ADARB2: variants seen among roughly 807,000 people sequenced by gnomAD.
ADARB2 encodes the protein adenosine deaminase RNA specific B2 (inactive), also known as inactive double-stranded RNA-specific editase B2.
In ADARB2, 25 loss-of-function variants were observed where a neutral mutation model predicts 62.2. The ratio of observed to expected loss-of-function variants is 0.40; its 90% CI spans 0.29 to 0.56. The LOEUF is 0.56. Ranked by LOEUF, ADARB2 falls within the 20% of genes least tolerant of loss-of-function variation. ADARB2 has a pLI of 0.43. For missense variants in ADARB2, 1,071 were observed against 1,077.4 expected, an observed-to-expected ratio of 0.99 and a Z score of 0.08; for synonymous variants, 572 against 500.8, an observed-to-expected ratio of 1.14 and a Z score of -1.90.
intron 1 of ADARB2, among the ~76,000 whole-genome samples, chr10:1,695,023 G>A (rs376962156): frequency 1.3e-5 from 2 of 152,204 alleles, no homozygotes; most frequent in African/African-American, 2.4e-5. Context: ...GATGAACAGG[G>A]ATGTGTGGGT....
intron 1 of ADARB2, among the ~76,000 whole-genome samples, chr10:1,470,755 C>A (rs1040282056): frequency 2.6e-5 from 4 of 152,198 alleles, no homozygotes; most frequent in African/African-American, 9.7e-5. Context: ...AAAACACCTC[C>A]TGGCCAGGGG....
At chr10:1,656,156 C>A (rs892238828) in intron 1 of ADARB2, among the ~76,000 whole-genome samples, 2 of 152,226 alleles carry the variant, frequency 1.3e-5, no homozygotes, top group Non-Finnish European at 2.9e-5. Flanking sequence ...AAAACAGAAA[C>A]TACATCATAA....
At chr10:1,607,974 T>C (rs543485680) in intron 1 of ADARB2, among the ~76,000 whole-genome samples, 44 of 152,262 alleles carry the variant, frequency 2.9e-4, no homozygotes, top group African/African-American at 1.0e-3. Context: ...CACACAACAG[T>C]GTGCAAGGGC....
chr10:1,433,138 A>G (rs1830794366), intron 1 of ADARB2, among the ~76,000 whole-genome samples: 1 of 152,210 alleles, frequency 6.6e-6, no homozygotes, highest in Non-Finnish European at 1.5e-5. Context: ...GAGAAAATGA[A>G]GTGAAGAGAG....
chr10:1,536,182 G>A (rs923244241), intron 1 of ADARB2, among the ~76,000 whole-genome samples: 1 of 152,102 alleles, frequency 6.6e-6, no homozygotes, highest in Non-Finnish European at 1.5e-5. Flanking sequence ...GGTTCCTGGG[G>A]AGGTGATTTG....
intron 1 of ADARB2, among the ~76,000 whole-genome samples, chr10:1,486,242 G>GTA (rs1564304796): frequency 1.3e-5 from 2 of 151,446 alleles, no homozygotes; most frequent in African/African-American, 4.9e-5. Context: ...GTGTGTGTGT[G>GTA]TGTGTTGTTA....
intron 1 of ADARB2, among the ~76,000 whole-genome samples, chr10:1,629,069 G>T (rs750295640): frequency 6.6e-6 from 1 of 152,260 alleles, no homozygotes; most frequent in Non-Finnish European, 1.5e-5. Context: ...GGACAGGCGT[G>T]AAACTGGCTC....
intron 1 of ADARB2, among the ~76,000 whole-genome samples, chr10:1,662,475 T>A (rs921838987): frequency 6.6e-6 from 1 of 152,082 alleles, no homozygotes; most frequent in Non-Finnish European, 1.5e-5. Context: ...TTGCAAGGGT[T>A]TTTCAGAGGA....
At chr10:1,224,103 C>A (rs1292801823) in intron 6 of ADARB2, among the ~76,000 whole-genome samples, 1 of 152,102 alleles carries the variant, frequency 6.6e-6, no homozygotes, top group Admixed American at 6.5e-5. Flanking sequence ...AATTTCAGAG[C>A]CTGTTATTGG....
chr10:1,703,650 A>G (rs1489158507), intron 1 of ADARB2, among the ~76,000 whole-genome samples: 1 of 152,234 alleles, frequency 6.6e-6, no homozygotes, highest in Non-Finnish European at 1.5e-5. Flanking sequence ...AATAATCTTA[A>G]AATGATTAAT....
intron 3 of ADARB2, among the ~76,000 whole-genome samples, chr10:1,320,523 A>C (rs1042333187): frequency 6.6e-6 from 1 of 152,222 alleles, no homozygotes; most frequent in East Asian, 1.9e-4. Context: ...GCCCCCTCTC[A>C]GGCTAAGAAA....
At chr10:1,551,522 G>A (rs928797763) in intron 1 of ADARB2, among the ~76,000 whole-genome samples, 6 of 152,342 alleles carry the variant, frequency 3.9e-5, no homozygotes, top group Admixed American at 2.6e-4. Flanking sequence ...TTCCCTTCCT[G>A]GGCGGCTGTC....
rs376675066 is a variant in ADARB2 at position 1,275,137 on chromosome 10, T to C, written c.1078-4068A>G. 3.2e-3 allele frequency among the ~76,000 whole-genome samples: 490 copies of C among 152,256 alleles called. 2 individuals are homozygous for C. Among genetic ancestry groups the C allele is most frequent in the African/African-American group, 0.011 (468 of 41,544 alleles). On this transcript the variant is annotated intron_variant, in intron 3 of 9. Coordinates refer to ENST00000381312, the MANE Select transcript of ADARB2 (RefSeq NM_018702.4). ...ACAGCTGGGGTGGAATGAATCACAT[T>C]TGGTTTGGGCCTCAGCATTTCCACA...
intron 1 of ADARB2, among the ~76,000 whole-genome samples, chr10:1,662,788 G>T (rs567401160): frequency 6.6e-6 from 1 of 152,312 alleles, no homozygotes; most frequent in Admixed American, 6.5e-5. Flanking sequence ...CGGGTGCCCA[G>T]GGTGCTGGGC....
chr10:1,542,645 C>T (rs868175820), intron 1 of ADARB2, among the ~76,000 whole-genome samples: 51 of 23,366 alleles, frequency 2.2e-3, no homozygotes, highest in African/African-American at 6.6e-3. Context: ...CACTCAGACG[C>T]AGTTCAGACC....
Position 1,180,638 on chromosome 10 carries a change from C to G in ADARB2, c.*2555G>C, listed in dbSNP as rs1047546727. 1 of 150,534 alleles carries G rather than the reference C, an allele frequency of 6.6e-6. No homozygotes were observed. The highest frequency in any genetic ancestry group is 2.4e-5 in the African/African-American group (1 of 41,020). 9.3% of individuals were successfully genotyped at this position (150,534 alleles called of 1,614,324 possible). A position where few individuals can be genotyped will look rare whatever the true frequency, so the allele number is the denominator to read the frequency against. On this transcript the variant is annotated 3_prime_UTR_variant, in exon 10 of 10. Coordinates refer to ENST00000381312, the MANE Select transcript of ADARB2 (RefSeq NM_018702.4). Reference sequence around the variant, plus strand: ...ACCTTCTCCTTTCACTACCCAGGGCCTGGGACCCTCCTTTCCTTACGTGGG... The same window carrying G: ...ACCTTCTCCTTTCACTACCCAGGGCGTGGGACCCTCCTTTCCTTACGTGGG...
intron 3 of ADARB2, among the ~76,000 whole-genome samples, chr10:1,288,003 G>A (rs968443086): frequency 6.6e-6 from 1 of 152,242 alleles, no homozygotes; most frequent in Non-Finnish European, 1.5e-5. Context: ...AACATCCACT[G>A]AGTGTGCATG....
At chr10:1,330,764 T>TA (rs555697151) in intron 3 of ADARB2, among the ~76,000 whole-genome samples, 1 of 152,106 alleles carries the variant, frequency 6.6e-6, no homozygotes, top group African/African-American at 2.4e-5. Flanking sequence ...TTCATCAGAA[T>TA]AAAAAAGTTT....
At chr10:1,235,195 G>A (rs1345073142) in intron 5 of ADARB2, among the ~76,000 whole-genome samples, 1 of 147,852 alleles carries the variant, frequency 6.8e-6, no homozygotes, top group Non-Finnish European at 1.5e-5. Context: ...TGAGTGGGCA[G>A]CTTGTGTGTG....
Sources: allele counts gnomAD v4.1 joint callset (sites outside exome capture counted in the v4.1 genomes callset), GRCh38; gene constraint gnomAD v4.1.1; transcripts MANE v1.5; gene names NCBI Gene and HGNC (gene_info 2026-07-23, HGNC 2026-07-21).